The following NKAIN3 variants were observed in gnomAD, a reference collection of about 807,000 sequenced individuals.
NKAIN3 encodes sodium/potassium transporting ATPase interacting 3.
Under a neutral mutation model 30.2 loss-of-function variants are expected in NKAIN3, and 25 were observed. That is an observed-to-expected ratio of 0.83 (90% CI 0.60 to 1.16). The LOEUF is 1.16. NKAIN3 is among the 50% of genes most tolerant of loss of function. The pLI, the probability that NKAIN3 is intolerant of heterozygous loss-of-function variation, is 0.00. For missense variants in NKAIN3, 225 were observed against 254.1 expected, an observed-to-expected ratio of 0.89 and a Z score of 0.78; for synonymous variants, 91 against 89.6, an observed-to-expected ratio of 1.02 and a Z score of -0.09.
intron 5 of NKAIN3, among the ~76,000 whole-genome samples, chr8:62,918,919 A>T (rs554432696): frequency 6.6e-6 from 1 of 152,082 alleles, no homozygotes; most frequent in East Asian, 1.9e-4. Flanking sequence ...TTACAGAAAG[A>T]TCTATATGTA....
At chr8:62,844,366 C>T (rs1191470265) in intron 4 of NKAIN3, among the ~76,000 whole-genome samples, 1 of 152,094 alleles carries the variant, frequency 6.6e-6, no homozygotes, top group Non-Finnish European at 1.5e-5. Context: ...ATCTTGTGTA[C>T]ACATGTCCAA....
chr8:62,556,405 T>A (rs893779222), intron 1 of NKAIN3, among the ~76,000 whole-genome samples: 22 of 150,712 alleles, frequency 1.5e-4, no homozygotes, highest in African/African-American at 5.3e-4. Context: ...AAGAAGGACA[T>A]AAAGTAGAAA....
At chr8:62,315,911 A>G (rs894022175) in intron 1 of NKAIN3, among the ~76,000 whole-genome samples, 6 of 152,122 alleles carry the variant, frequency 3.9e-5, no homozygotes, top group African/African-American at 1.4e-4. Flanking sequence ...CCCAAATCTC[A>G]TCTTTAATTG....
At chr8:62,525,666 C>T (rs984238908) in intron 1 of NKAIN3, among the ~76,000 whole-genome samples, 1 of 152,110 alleles carries the variant, frequency 6.6e-6, no homozygotes, top group African/African-American at 2.4e-5. Flanking sequence ...CATGGTTGCA[C>T]CCTTGGTTAA....
intron 1 of NKAIN3, among the ~76,000 whole-genome samples, chr8:62,296,839 A>G (rs944723938): frequency 2.0e-5 from 3 of 151,876 alleles, no homozygotes; most frequent in Non-Finnish European, 2.9e-5. Flanking sequence ...AAGAATTCCA[A>G]TATGTAGCCC....
chr8:62,492,259 T>A (rs1040320435), intron 1 of NKAIN3, among the ~76,000 whole-genome samples: 3 of 152,128 alleles, frequency 2.0e-5, no homozygotes, highest in Non-Finnish European at 4.4e-5. Flanking sequence ...TCTCCACAAG[T>A]GTAGAGTGCA....
chr8:62,862,311 A>T (rs1182747812), intron 4 of NKAIN3, among the ~76,000 whole-genome samples: 6 of 152,180 alleles, frequency 3.9e-5, no homozygotes, highest in Non-Finnish European at 7.4e-5. Flanking sequence ...AAAAAAAGAA[A>T]ATATGGAATC....
At chr8:62,936,979 G>A (rs1219081922) in intron 5 of NKAIN3, among the ~76,000 whole-genome samples, 2 of 151,884 alleles carry the variant, frequency 1.3e-5, no homozygotes, top group Non-Finnish European at 2.9e-5. Flanking sequence ...TATGTCCCAT[G>A]AAGATATTCT....
chr8:62,954,412 G>A (rs1823366890), intron 6 of NKAIN3, among the ~76,000 whole-genome samples: 1 of 152,054 alleles, frequency 6.6e-6, no homozygotes, highest in South Asian at 2.1e-4. Context: ...TTCACAGGGG[G>A]GAAATAGATT....
chr8:62,531,387 A>C lies in NKAIN3; in HGVS notation c.55-48152A>C, dbSNP rs539782668. Among the ~76,000 whole-genome samples, 6 of 152,296 alleles carry C rather than the reference A, an allele frequency of 3.9e-5. No homozygotes were observed. The East Asian group carries it at 1.2e-3, about 29-fold the overall frequency. ...TTGAAACTAACTTACTTATCCCTAA[A>C]ACATCACATAAATTCTGCCTATATT... On this transcript the variant is annotated intron_variant, in intron 1 of 6. Coordinates refer to ENST00000623646, the MANE Select transcript of NKAIN3 (RefSeq NM_001304533.3).
At position 62,345,495 on chromosome 8, in the gene NKAIN3, A is replaced by ATATG. The variant is rs1273676191; in HGVS notation, c.54+96368_54+96369insTATG. On this transcript the variant is annotated intron_variant, in intron 1 of 6. Transcript: ENST00000623646. ...TATACACATATATGTATATATACAC[A>ATATG]CATATATACACATATATACACATAT... is the stretch of plus-strand genomic sequence containing the variant. Among the ~76,000 whole-genome samples, 4 of 8,858 alleles carry ATATG rather than the reference A, an allele frequency of 4.5e-4. 1 individual carries two copies. Among genetic ancestry groups the ATATG allele is most frequent in the East Asian group, 8.7e-3 (2 of 230 alleles). The allele number at this position is 8,858 out of a possible 152,430, so 5.8% of individuals were successfully genotyped here. A position where few individuals can be genotyped will look rare whatever the true frequency, so the allele number is the denominator to read the frequency against.
intron 1 of NKAIN3, among the ~76,000 whole-genome samples, chr8:62,374,298 A>G (rs1364256534): frequency 6.6e-6 from 1 of 152,124 alleles, no homozygotes; most frequent in Admixed American, 6.5e-5. Context: ...ATTCCATTTA[A>G]AGTATTTTCT....
intron 3 of NKAIN3, among the ~76,000 whole-genome samples, chr8:62,723,365 G>A (rs1400566210): frequency 6.6e-6 from 1 of 152,022 alleles, no homozygotes; most frequent in Non-Finnish European, 1.5e-5. Context: ...ACATGCATAC[G>A]CATGCATGAT....
intron 3 of NKAIN3, among the ~76,000 whole-genome samples, chr8:62,598,709 G>C (rs919096389): frequency 6.6e-6 from 1 of 151,912 alleles, no homozygotes; most frequent in Non-Finnish European, 1.5e-5. Context: ...TCTAATTCAC[G>C]TAGAAGGGAC....
At chr8:62,745,523 C>T (rs1816041948) in intron 3 of NKAIN3, among the ~76,000 whole-genome samples, 1 of 152,168 alleles carries the variant, frequency 6.6e-6, no homozygotes, top group Admixed American at 6.5e-5. Flanking sequence ...TGGGTGGTTG[C>T]AGTCTTTGGA....
intron 1 of NKAIN3, among the ~76,000 whole-genome samples, chr8:62,315,264 T>C (rs1168013669): frequency 1.3e-5 from 2 of 152,192 alleles, no homozygotes; most frequent in East Asian, 1.9e-4. Context: ...CTTTCCAGAG[T>C]TCAACTACAA....
intron 1 of NKAIN3, among the ~76,000 whole-genome samples, chr8:62,294,872 A>G (rs1813777362): frequency 6.6e-6 from 1 of 152,134 alleles, no homozygotes; most frequent in Non-Finnish European, 1.5e-5. Flanking sequence ...CAAAGTAATT[A>G]CCTACATAGT....
intron 1 of NKAIN3, among the ~76,000 whole-genome samples, chr8:62,259,452 A>C (rs962208631): frequency 1.3e-5 from 2 of 152,178 alleles, no homozygotes; most frequent in Admixed American, 1.3e-4. Context: ...AAAACTAATT[A>C]GTGTTAATGT....
chr8:62,468,351 A>T (rs1264494845), intron 1 of NKAIN3, among the ~76,000 whole-genome samples: 2 of 152,224 alleles, frequency 1.3e-5, no homozygotes, highest in Non-Finnish European at 2.9e-5. Flanking sequence ...TTTATCATTT[A>T]ATCTAGATCA....
Sources: allele counts gnomAD v4.1 joint callset (sites outside exome capture counted in the v4.1 genomes callset), GRCh38; gene constraint gnomAD v4.1.1; transcripts MANE v1.5; gene names NCBI Gene and HGNC (gene_info 2026-07-23, HGNC 2026-07-21).